The following DCK variants were observed in gnomAD, a reference collection of about 807,000 sequenced individuals.
DCK encodes the protein deoxyadenosine kinase.
DCK carries 23 observed loss-of-function variants against 38.3 expected under a neutral mutation model. The observed-to-expected ratio is 0.60, with a 90% CI of 0.43 to 0.85. The LOEUF (loss-of-function observed/expected upper bound fraction) is 0.85. Ranked by LOEUF, DCK falls within the 40% of genes least tolerant of loss-of-function variation. The pLI is 0.00. For synonymous variants in DCK, 108 were observed against 100.6 expected (o/e 1.07, Z -0.44); for missense variants, 259 against 304.4 (o/e 0.85, Z 1.11).
At chr4:71,013,077 G>C (rs192476890) in intron 2 of DCK, among the ~76,000 whole-genome samples, 24 of 152,312 alleles carry the variant, frequency 1.6e-4, no homozygotes, top group Middle Eastern at 3.4e-3. Context: ...ACCTGATGGA[G>C]CTGAAAACCA....
At position 70,994,741 on chromosome 4, in the gene DCK, A is replaced by T. The variant is rs1414906380; in HGVS notation, c.91+815A>T. Among the ~76,000 whole-genome samples the T allele has an allele frequency of 4.6e-5, 7 of 152,308 alleles. No homozygotes were observed. The South Asian group carries it at 1.5e-3, about 32-fold the overall frequency. On this transcript the variant is annotated intron_variant, in intron 1 of 6. Transcript: ENST00000286648. ...AGTACAAGCAAAGAGGTCTTTAATG[A>T]TCTTAATAGCATGGAGTTCCTCACC...
Position 71,008,413 on chromosome 4 carries a change from AT to A in DCK, c.207+10236del, listed in dbSNP as rs201918246. Among the ~76,000 whole-genome samples, 1,046 of 152,074 alleles carry A rather than the reference AT, an allele frequency of 6.9e-3. 13 individuals are homozygous for A. The highest frequency in any genetic ancestry group is 0.024 in the African/African-American group (1,011 of 41,480). ...TTTCATATGTTTATTAGTCATTTTG[AT>A]TTTTGCAAAGTGCCCACTTGGGTCC... On this transcript the variant is annotated intron_variant, in intron 2 of 6. Coordinates refer to ENST00000286648, the MANE Select transcript of DCK (RefSeq NM_000788.3).
At position 70,993,718 on chromosome 4, in the gene DCK, A is replaced by C; in HGVS notation, c.-118A>C. 3 of 668,284 alleles carry C rather than the reference A, an allele frequency of 4.5e-6. No individual in the cohort carries two copies. Among genetic ancestry groups the C allele is most frequent in the South Asian group, 3.7e-5 (2 of 53,490 alleles). 41.4% of individuals were successfully genotyped at this position (668,284 alleles called of 1,614,324 possible). Reference sequence around the variant, plus strand: ...CCGCCGGCGGGCCGGTGAGCTCACTAGCTGACCCGGCAGGTCAGGATCTGG... The same window carrying C: ...CCGCCGGCGGGCCGGTGAGCTCACTCGCTGACCCGGCAGGTCAGGATCTGG... On this transcript the variant is annotated 5_prime_UTR_variant, in exon 1 of 7. Coordinates refer to ENST00000286648, the MANE Select transcript of DCK (RefSeq NM_000788.3).
At chr4:71,013,137 T>A (rs1219619213) in intron 2 of DCK, among the ~76,000 whole-genome samples, 1 of 152,128 alleles carries the variant, frequency 6.6e-6, no homozygotes. Flanking sequence ...GCCGATTCAA[T>A]CAACTGGAAG....
chr4:71,012,619 G>C (rs1740132478), intron 2 of DCK, among the ~76,000 whole-genome samples: 1 of 152,220 alleles, frequency 6.6e-6, no homozygotes, highest in Non-Finnish European at 1.5e-5. Flanking sequence ...AGTATTCGCT[G>C]TTCTGCAGCC....
intron 6 of DCK, chr4:71,028,738 G>A (rs781587356): frequency 1.4e-5 from 5 of 359,206 alleles, no homozygotes; most frequent in South Asian, 1.0e-4. Context: ...GATTACAAGT[G>A]CACGCCTCCA....
At chr4:71,014,839 C>G (rs1254248888) in intron 2 of DCK, among the ~76,000 whole-genome samples, 1 of 151,954 alleles carries the variant, frequency 6.6e-6, no homozygotes, top group African/African-American at 2.4e-5. Context: ...AAATTGACAC[C>G]CTAACATCAC....
intron 1 of DCK, 59 bp downstream of exon 1, chr4:70,993,985 C>G (rs1227852233): frequency 8.2e-7 from 1 of 1,213,998 alleles, no homozygotes; most frequent in East Asian, 2.4e-5. Context: ...GTGGCTGAAG[C>G]TTCCCTTCGC....
intron 2 of DCK, among the ~76,000 whole-genome samples, chr4:71,001,256 G>A (rs143067496): frequency 6.6e-6 from 1 of 152,088 alleles, no homozygotes; most frequent in African/African-American, 2.4e-5. Flanking sequence ...TGCGGTTTTT[G>A]TCATTGGTTC....
At chr4:71,022,993 C>T (rs1417695451) in intron 3 of DCK, among the ~76,000 whole-genome samples, 1 of 152,120 alleles carries the variant, frequency 6.6e-6, no homozygotes, top group Non-Finnish European at 1.5e-5. Flanking sequence ...GGTTCTCAAA[C>T]ATTTGATCTC....
intron 6 of DCK, among the ~76,000 whole-genome samples, chr4:71,027,242 T>A (rs944540495): frequency 3.3e-5 from 5 of 152,124 alleles, no homozygotes; most frequent in African/African-American, 1.2e-4. Context: ...ATGGATCTCA[T>A]CTATTTTTAT....
At chr4:71,003,000 T>C (rs935116166) in intron 2 of DCK, among the ~76,000 whole-genome samples, 1 of 152,228 alleles carries the variant, frequency 6.6e-6, no homozygotes, top group Admixed American at 6.5e-5. Flanking sequence ...CCTGTTATTA[T>C]GATGCTAGCT....
chr4:71,019,527 A>G (rs1402295030), intron 2 of DCK, among the ~76,000 whole-genome samples: 2 of 152,168 alleles, frequency 1.3e-5, no homozygotes, highest in African/African-American at 2.4e-5. Context: ...AGACCCCTGG[A>G]GCTTCTCCTA....
intron 2 of DCK, among the ~76,000 whole-genome samples, chr4:71,005,358 C>T (rs1247682101): frequency 4.0e-5 from 6 of 151,852 alleles, no homozygotes; most frequent in Non-Finnish European, 5.9e-5. Flanking sequence ...AGAAATCACC[C>T]GTCTTCTGCA....
intron 1 of DCK, among the ~76,000 whole-genome samples, chr4:70,997,665 A>C (rs1366109728): frequency 6.6e-6 from 1 of 152,212 alleles, no homozygotes; most frequent in East Asian, 1.9e-4. Flanking sequence ...AAGTATATTG[A>C]AGTTATTTAT....
intron 2 of DCK, among the ~76,000 whole-genome samples, chr4:71,006,032 G>A (rs533715167): frequency 1.4e-4 from 21 of 149,032 alleles, no homozygotes; most frequent in African/African-American, 3.7e-4. Context: ...AGGCTGAGGC[G>A]GGAGAATTGC....
chr4:71,016,073 A>G (rs980857972), intron 2 of DCK, among the ~76,000 whole-genome samples: 1 of 152,264 alleles, frequency 6.6e-6, no homozygotes, highest in Admixed American at 6.5e-5. Flanking sequence ...CTGATAAGCA[A>G]CTTCAGCAAA....
At chr4:71,029,153 C>T (rs1415263450) in intron 6 of DCK, among the ~76,000 whole-genome samples, 199 bp from the exon 7 acceptor site, 1 of 152,184 alleles carries the variant, frequency 6.6e-6, no homozygotes, top group South Asian at 2.1e-4. Flanking sequence ...CTCGGCCTCC[C>T]AAAATGCTAG....
At chr4:70,995,335 C>T (rs1739636585) in intron 1 of DCK, among the ~76,000 whole-genome samples, 1 of 152,078 alleles carries the variant, frequency 6.6e-6, no homozygotes, top group South Asian at 2.1e-4. Context: ...ACTTGTAATC[C>T]CAGGATTTGG....
Sources: gnomAD v4.1 joint callset for allele counts (sites outside exome capture counted in the v4.1 genomes callset) on GRCh38, gnomAD v4.1.1 for gene constraint, MANE v1.5 for transcripts, NCBI Gene and HGNC (gene_info 2026-07-23, HGNC 2026-07-21) for gene names.